The following METTL25 variants were observed in gnomAD, a reference collection of about 807,000 sequenced individuals.
METTL25 encodes methyltransferase like 25, also known as probable methyltransferase-like protein 25.
Under a neutral mutation model 71.6 loss-of-function variants are expected in METTL25, and 64 were observed. The ratio of observed to expected loss-of-function variants is 0.89; its 90% CI spans 0.73 to 1.10. The LOEUF (loss-of-function observed/expected upper bound fraction) is 1.10. Ranked by LOEUF, METTL25 falls within the 50% of genes least tolerant of loss-of-function variation. The probability of loss-of-function intolerance (pLI) is 0.00; values close to 1 mark genes in which losing one functional copy is unlikely to be tolerated. For synonymous variants in METTL25, 287 were observed against 250.3 expected (o/e 1.15, Z -1.38); for missense variants, 807 against 707.0 (o/e 1.14, Z -1.60).
At chr12:82,360,346 G>A (rs1294906523) in intron 1 of METTL25, among the ~76,000 whole-genome samples, 1 of 152,060 alleles carries the variant, frequency 6.6e-6, no homozygotes, top group Non-Finnish European at 1.5e-5. Flanking sequence ...AGCCTTGCAA[G>A]ATAGGTTCTG....
At chr12:82,401,912 T>C (rs1477001748) in intron 4 of METTL25, among the ~76,000 whole-genome samples, 1 of 152,070 alleles carries the variant, frequency 6.6e-6, no homozygotes, top group African/African-American at 2.4e-5. Flanking sequence ...TAAAAGTATG[T>C]GATTCTAATA....
chr12:82,407,612 G>A (rs759416486), intron 5 of METTL25, among the ~76,000 whole-genome samples: 8 of 152,100 alleles, frequency 5.3e-5, no homozygotes, highest in Non-Finnish European at 7.4e-5. Flanking sequence ...ATAGACGATT[G>A]GGAGTTTTGC....
Position 82,359,295 on chromosome 12 carries a change from G to A in METTL25, c.259+471G>A, listed in dbSNP as rs1171414631. On this transcript the variant is annotated intron_variant, in intron 1 of 11. Transcript: ENST00000248306. ...ATTTAGGAGGTCAGGAACATGAGAAGGCACTAGCTGCAGAGCCACAGGGAG... is the reference window on the plus strand; with the variant it reads ...ATTTAGGAGGTCAGGAACATGAGAAAGCACTAGCTGCAGAGCCACAGGGAG... Among the ~76,000 whole-genome samples the A allele has an allele frequency of 2.9e-3, 3 of 1,026 alleles. No homozygotes were observed. In the Admixed American group the frequency reaches 0.071, roughly 24 times the overall value. 0.7% of individuals were successfully genotyped at this position (1,026 alleles called of 152,430 possible).
rs111726525 is a variant in METTL25 at position 82,390,812 on chromosome 12, G to T, written c.531+890G>T. Among the ~76,000 whole-genome samples, 411 of 152,146 alleles carry T rather than the reference G, an allele frequency of 2.7e-3. 3 individuals are homozygous for T. The highest frequency in any genetic ancestry group is 9.3e-3 in the African/African-American group (386 of 41,514). Reference sequence around the variant, plus strand: ...TGTCAGTACCAGTAACAGCCTTATGGCAATGATACTTAGCCGGAGTCGAAG... The same window carrying T: ...TGTCAGTACCAGTAACAGCCTTATGTCAATGATACTTAGCCGGAGTCGAAG... On this transcript the variant is annotated intron_variant, in intron 3 of 11. Transcript: ENST00000248306.
At chr12:82,424,389 G>A (rs1947346410) in intron 5 of METTL25, among the ~76,000 whole-genome samples, 1 of 152,070 alleles carries the variant, frequency 6.6e-6, no homozygotes, top group Non-Finnish European at 1.5e-5. Flanking sequence ...CCTGTTGTGG[G>A]GTGGGGGAAG....
At chr12:82,376,604 C>T (rs1883885151) in intron 1 of METTL25, among the ~76,000 whole-genome samples, 1 of 152,178 alleles carries the variant, frequency 6.6e-6, no homozygotes, top group South Asian at 2.1e-4. Context: ...AGTTTACTAT[C>T]TTTGTATCTA....
At chr12:82,458,924 A>T (rs935043463) in intron 9 of METTL25, among the ~76,000 whole-genome samples, 1 of 152,164 alleles carries the variant, frequency 6.6e-6, no homozygotes, top group African/African-American at 2.4e-5. Flanking sequence ...AAGCACTGAT[A>T]AAGTTTGTAG....
chr12:82,407,158 T>C (rs1887166732), intron 5 of METTL25, among the ~76,000 whole-genome samples: 1 of 152,188 alleles, frequency 6.6e-6, no homozygotes, highest in African/African-American at 2.4e-5. Context: ...TTTCTTTCTT[T>C]AGTACTTGGT....
chr12:82,443,484 A>G (rs965135238), intron 8 of METTL25, among the ~76,000 whole-genome samples: 5 of 151,940 alleles, frequency 3.3e-5, no homozygotes, highest in Non-Finnish European at 5.9e-5. Flanking sequence ...AAAAAAGAAA[A>G]AAAAGAATGC....
At chr12:82,443,448 T>C (rs1388622194) in intron 8 of METTL25, among the ~76,000 whole-genome samples, 15 of 120,424 alleles carry the variant, frequency 1.2e-4, no homozygotes, top group Non-Finnish European at 2.3e-4. Context: ...TGAAAATACA[T>C]TGTCAGAGGA....
chr12:82,370,561 G>A (rs1883111128), intron 1 of METTL25, among the ~76,000 whole-genome samples: 4 of 152,166 alleles, frequency 2.6e-5, no homozygotes, highest in Admixed American at 1.3e-4. Flanking sequence ...AGGAGGTCTA[G>A]TCCTTGGCGG....
At chr12:82,390,022 C>T (rs1885427060) in intron 3 of METTL25, 100 bp downstream of exon 3, 1 of 680,414 alleles carries the variant, frequency 1.5e-6, no homozygotes, top group Non-Finnish European at 2.6e-6. Context: ...TTTAAAATGT[C>T]ATTAAATAAT....
At chr12:82,411,831 G>A (rs1168472284) in intron 5 of METTL25, among the ~76,000 whole-genome samples, 1 of 152,054 alleles carries the variant, frequency 6.6e-6, no homozygotes. Context: ...AGATTCTTTT[G>A]TGATTATAAA....
chr12:82,418,025 GA>G lies in METTL25; in HGVS notation c.1280-12865del, dbSNP rs1204418001. Among the ~76,000 whole-genome samples the G allele has an allele frequency of 2.6e-5, 4 of 152,224 alleles. No homozygotes were observed. The East Asian group carries it at 5.8e-4, about 22-fold the overall frequency. Reference sequence around the variant, plus strand: ...AAACAGTGTTGTGACAAAAAGCAGGGAAATTTCTTAGGGAACTATTGCTGGA... The same window carrying G: ...AAACAGTGTTGTGACAAAAAGCAGGGAATTTCTTAGGGAACTATTGCTGGA... On this transcript the variant is annotated intron_variant, in intron 5 of 11. Coordinates refer to ENST00000248306, the MANE Select transcript of METTL25 (RefSeq NM_032230.3).
At chr12:82,466,158 A>G (rs1892218314) in intron 9 of METTL25, among the ~76,000 whole-genome samples, 1 of 151,436 alleles carries the variant, frequency 6.6e-6, no homozygotes, top group South Asian at 2.1e-4. Flanking sequence ...TTGCCTTTCT[A>G]ATTACTTGAG....
chr12:82,478,996 C>G lies in METTL25; in HGVS notation c.1784C>G (p.Ala595Gly), dbSNP rs1182829543. The change falls in exon 12 of 12, where the codon GCT becomes GGT. Residue 595 changes from alanine to glycine, a missense_variant. Ala to Gly is a moderately conservative substitution (Grantham distance 60, BLOSUM62 0). Transcript: ENST00000248306. ...CCCGTGAAATCTCCCAGATGTTATG[C>G]TGTTATTGCCCTGAAGAAGCAGCAG... ...FDPVKSPRCY[A>G]VIALKKQQ is the part of the protein sequence containing the mutation. 6.2e-7 allele frequency: 1 copy of G among 1,612,630 alleles called. No homozygotes were observed.
At chr12:82,463,574 A>G (rs1892037280) in intron 9 of METTL25, among the ~76,000 whole-genome samples, 1 of 151,954 alleles carries the variant, frequency 6.6e-6, no homozygotes, top group South Asian at 2.1e-4. Context: ...TGATATATTG[A>G]TTTCTTTTCC....
chr12:82,429,170 AATCTACCTCTCTTC>A (rs1889276067), intron 5 of METTL25, among the ~76,000 whole-genome samples: 1 of 151,668 alleles, frequency 6.6e-6, no homozygotes, highest in Non-Finnish European at 1.5e-5. Context: ...TGTACCAATT[AATCTACCTCTCTTC>A]ATCTACCTCT....
At chr12:82,377,367 A>G (rs1342788336) in intron 1 of METTL25, among the ~76,000 whole-genome samples, 2 of 152,158 alleles carry the variant, frequency 1.3e-5, no homozygotes, top group Non-Finnish European at 2.9e-5. Flanking sequence ...TATTATAACC[A>G]TTTACTGTTA....
Sources: allele counts gnomAD v4.1 joint callset (sites outside exome capture counted in the v4.1 genomes callset), GRCh38; gene constraint gnomAD v4.1.1; transcripts MANE v1.5; gene names NCBI Gene and HGNC (gene_info 2026-07-23, HGNC 2026-07-21).